Variants in TENM2 observed in about 807,000 individuals in gnomAD.
TENM2 encodes the protein teneurin-2.
TENM2 carries 52 observed loss-of-function variants against 245.2 expected under a neutral mutation model. The ratio of observed to expected loss-of-function variants is 0.21; its 90% CI spans 0.17 to 0.27. The LOEUF (loss-of-function observed/expected upper bound fraction) is 0.27. Among genes scored for constraint, TENM2 ranks in the 10% least tolerant of loss-of-function variants. The pLI is 1.00. For synonymous variants in TENM2, 1,363 were observed against 1,438.9 expected, an observed-to-expected ratio of 0.95 and a Z score of 1.19; for missense variants, 3,046 against 3,666.8, an observed-to-expected ratio of 0.83 and a Z score of 4.37.
chr5:167,167,727 T>C, the TENM2 span, among the ~76,000 whole-genome samples: 6 of 152,192 alleles, frequency 3.9e-5, no homozygotes, highest in Admixed American at 1.3e-4. Flanking sequence ...CTCAAGCAGA[T>C]TGTGAGCTCC....
chr5:167,204,943 GC>G, the TENM2 span, among the ~76,000 whole-genome samples: 5 of 152,274 alleles, frequency 3.3e-5, no homozygotes, highest in East Asian at 7.7e-4. Context: ...TTACTTGTTG[GC>G]CTTTGACTCA....
intron 2 of TENM2, among the ~76,000 whole-genome samples, chr5:167,730,961 A>G (rs1760381699): frequency 1.3e-5 from 2 of 152,198 alleles, no homozygotes; most frequent in African/African-American, 2.4e-5. Context: ...CAGTTATAAG[A>G]CACTCCATGC....
chr5:167,223,060 A>G, the TENM2 span, among the ~76,000 whole-genome samples: 2 of 152,024 alleles, frequency 1.3e-5, no homozygotes, highest in Non-Finnish European at 2.9e-5. Flanking sequence ...TTTTTGACAT[A>G]TTTTTACATA....
At chr5:167,071,878 G>GCCCCCCCCCCCCCCCCCC in the TENM2 span, among the ~76,000 whole-genome samples, 2 of 124,026 alleles carry the variant, frequency 1.6e-5, no homozygotes, top group Non-Finnish European at 3.4e-5. Context: ...TTGACAAATC[G>GCCCCCCCCCCCCCCCCCC]CCCCCCCCCG....
chr5:167,884,751 A>G (rs1265118691), intron 3 of TENM2, among the ~76,000 whole-genome samples: 1 of 152,130 alleles, frequency 6.6e-6, no homozygotes, highest in Non-Finnish European at 1.5e-5. Flanking sequence ...ACTTGCTTTG[A>G]CCTCTTTTGG....
chr5:168,154,703 A>T (rs986979822), intron 12 of TENM2, among the ~76,000 whole-genome samples: 2 of 152,092 alleles, frequency 1.3e-5, no homozygotes, highest in Non-Finnish European at 2.9e-5. Flanking sequence ...GCTGGAGGCA[A>T]ATTTATATGA....
intron 25 of TENM2, among the ~76,000 whole-genome samples, chr5:168,230,497 C>G (rs1326609272): frequency 1.3e-5 from 2 of 152,096 alleles, no homozygotes; most frequent in Admixed American, 1.3e-4. Flanking sequence ...ATTGAGGGAA[C>G]TGGGGAGTGG....
At chr5:167,650,166 C>G (rs181142436) in intron 2 of TENM2, among the ~76,000 whole-genome samples, 12 of 152,314 alleles carry the variant, frequency 7.9e-5, no homozygotes, top group Middle Eastern at 6.8e-3. Flanking sequence ...CCCTGGGTCT[C>G]AATATCTTTA....
chr5:167,391,622 CAAAAAAAAAAA>C (rs56202184), intron 2 of TENM2, among the ~76,000 whole-genome samples: 1 of 53,500 alleles, frequency 1.9e-5, no homozygotes, highest in South Asian at 8.3e-4. Flanking sequence ...AAGACTTCAT[CAAAAAAAAAAA>C]AAAAAAAAAA....
Position 168,093,006 on chromosome 5 carries a change from C to A in TENM2, c.1711+2237C>A, listed in dbSNP as rs1046831395. Among the ~76,000 whole-genome samples, 4 of 152,116 alleles carry A rather than the reference C, an allele frequency of 2.6e-5. No individual in the cohort carries two copies. In the East Asian group the frequency reaches 7.7e-4, roughly 29 times the overall value. ...CTCTGCATTTTCCAACTGAGGAAGC[C>A]AAGACTAAATGCAGTTAAAAAACTT... On this transcript the variant is annotated intron_variant, in intron 8 of 28. Transcript: ENST00000518659.
At chr5:167,862,274 T>C (rs75241456) in intron 2 of TENM2, among the ~76,000 whole-genome samples, 68 of 152,092 alleles carry the variant, frequency 4.5e-4, no homozygotes, top group Non-Finnish European at 6.6e-4. Context: ...TGTGTGCATA[T>C]GTACATGCAT....
intron 5 of TENM2, among the ~76,000 whole-genome samples, chr5:168,015,486 T>A (rs532447385): frequency 6.6e-6 from 1 of 152,346 alleles, no homozygotes. Context: ...AAAGTGCTTC[T>A]GAGTTGAACT....
At chr5:167,543,786 G>T (rs1772373404) in intron 2 of TENM2, among the ~76,000 whole-genome samples, 1 of 152,016 alleles carries the variant, frequency 6.6e-6, no homozygotes, top group Admixed American at 6.5e-5. Flanking sequence ...TGTTTTTCTG[G>T]CTTGCAGTCG....
the TENM2 span, among the ~76,000 whole-genome samples, chr5:167,069,686 G>A: frequency 7.9e-5 from 12 of 152,164 alleles, no homozygotes; most frequent in Non-Finnish European, 1.5e-4. Context: ...AAGGATGCTC[G>A]CCAAAGTGTA....
intron 12 of TENM2, among the ~76,000 whole-genome samples, chr5:168,156,244 A>G (rs1251963217): frequency 5.9e-5 from 8 of 135,508 alleles, no homozygotes; most frequent in Non-Finnish European, 1.2e-4. Flanking sequence ...TTTTCCCCAT[A>G]GTTAAAAAAA....
the TENM2 span, among the ~76,000 whole-genome samples, chr5:167,234,996 T>G: frequency 3.3e-5 from 5 of 152,152 alleles, no homozygotes; most frequent in South Asian, 8.3e-4. Context: ...ATTAGTTCTC[T>G]AGGATGACCA....
the TENM2 span, among the ~76,000 whole-genome samples, chr5:167,210,168 A>G: frequency 7.9e-5 from 12 of 152,212 alleles, no homozygotes; most frequent in Non-Finnish European, 1.5e-5. Flanking sequence ...ACACATTAGG[A>G]AACCAAGGTG....
intron 2 of TENM2, among the ~76,000 whole-genome samples, chr5:167,444,905 T>G (rs1291242164): frequency 6.6e-6 from 1 of 152,178 alleles, no homozygotes. Context: ...TATACACATT[T>G]TCTCATCACT....
intron 2 of TENM2, among the ~76,000 whole-genome samples, chr5:167,735,345 A>G (rs1268179669): frequency 6.6e-6 from 1 of 152,208 alleles, no homozygotes; most frequent in African/African-American, 2.4e-5. Context: ...GACTAACTAA[A>G]ATGTCAAGTT....
Sources: allele counts gnomAD v4.1 joint callset (sites outside exome capture counted in the v4.1 genomes callset), GRCh38; gene constraint gnomAD v4.1.1; transcripts MANE v1.5; gene names NCBI Gene and HGNC (gene_info 2026-07-23, HGNC 2026-07-21).